GRXCR1: variants seen among roughly 807,000 people sequenced by gnomAD.
The protein encoded by GRXCR1 is glutaredoxin domain-containing cysteine-rich protein 1.
A neutral mutation model predicts 27.3 loss-of-function variants in GRXCR1; 27 were observed. The ratio of observed to expected loss-of-function variants is 0.99; its 90% CI spans 0.73 to 1.37. The LOEUF (loss-of-function observed/expected upper bound fraction) is 1.37, where lower values mean the gene tolerates loss of function less well. GRXCR1 is among the 40% of genes most tolerant of loss of function. The pLI is 0.00. For missense variants in GRXCR1, 379 were observed against 354.4 expected, an observed-to-expected ratio of 1.07 and a Z score of -0.56; for synonymous variants, 122 against 131.1, an observed-to-expected ratio of 0.93 and a Z score of 0.47.
At chr4:42,980,939 G>A (rs1748648717) in intron 2 of GRXCR1, among the ~76,000 whole-genome samples, 1 of 150,088 alleles carries the variant, frequency 6.7e-6, no homozygotes, top group Non-Finnish European at 1.5e-5. Context: ...GGAGCATTTG[G>A]TTGGATCTTG....
intron 2 of GRXCR1, among the ~76,000 whole-genome samples, chr4:43,007,762 G>A (rs796908700): frequency 7.2e-5 from 11 of 152,300 alleles, no homozygotes; most frequent in Admixed American, 2.0e-4. Context: ...GCCATTTATC[G>A]TTTAGTAGCT....
At chr4:42,993,256 C>T (rs76503099) in intron 2 of GRXCR1, among the ~76,000 whole-genome samples, 4,653 of 152,100 alleles carry the variant, frequency 0.031, 80 homozygotes, top group South Asian at 0.059. Context: ...AAAAACATTC[C>T]CTTTATTCTT....
At chr4:42,996,398 C>T (rs1326066073) in intron 2 of GRXCR1, among the ~76,000 whole-genome samples, 1 of 152,102 alleles carries the variant, frequency 6.6e-6, no homozygotes, top group East Asian at 1.9e-4. Flanking sequence ...AAATTTACTC[C>T]AGCCAGTGAT....
chr4:42,924,203 T>C (rs893023830), intron 1 of GRXCR1, among the ~76,000 whole-genome samples: 1 of 152,122 alleles, frequency 6.6e-6, no homozygotes, highest in African/African-American at 2.4e-5. Flanking sequence ...CTTTCAAATT[T>C]GACAAGTGCT....
chr4:42,927,127 C>A (rs569364926), intron 1 of GRXCR1, among the ~76,000 whole-genome samples: 1 of 151,976 alleles, frequency 6.6e-6, no homozygotes, highest in Non-Finnish European at 1.5e-5. Flanking sequence ...TTTGTTGGTT[C>A]TCAACCATCC....
intron 1 of GRXCR1, among the ~76,000 whole-genome samples, chr4:42,916,110 A>C (rs1414611405): frequency 6.6e-6 from 1 of 151,898 alleles, no homozygotes; most frequent in African/African-American, 2.4e-5. Flanking sequence ...AAAAAAAAAA[A>C]AGATTACTGA....
At chr4:42,929,798 AT>A (rs1747262683) in intron 1 of GRXCR1, among the ~76,000 whole-genome samples, 1 of 151,938 alleles carries the variant, frequency 6.6e-6, no homozygotes, top group Admixed American at 6.6e-5. Flanking sequence ...TATAGCAATA[AT>A]AATAATTATA....
chr4:42,944,967 C>A (rs540616942), intron 1 of GRXCR1, among the ~76,000 whole-genome samples: 2 of 152,178 alleles, frequency 1.3e-5, no homozygotes, highest in South Asian at 4.1e-4. Context: ...TCTCAAAATT[C>A]ATATATTGGA....
At chr4:42,934,030 CA>C (rs987547818) in intron 1 of GRXCR1, among the ~76,000 whole-genome samples, 11 of 151,778 alleles carry the variant, frequency 7.2e-5, no homozygotes, top group African/African-American at 2.7e-4. Context: ...TGTTCCAGAT[CA>C]AAGTTTCAAA....
chr4:42,893,614 C>A lies in GRXCR1; in HGVS notation c.348C>A (p.Gly116=). The part of the protein sequence containing the change: ...VRGVKYKVSA[G]QALFNNLTKV... ...GCGTCAAATACAAAGTGAGTGCTGG[C>A]CAGGCTCTATTTAACAATTTGACCA... The change falls in exon 1 of 4, where the codon GGC becomes GGA. Residue 116 remains glycine (G), a synonymous_variant. Coordinates refer to ENST00000399770, the MANE Select transcript of GRXCR1 (RefSeq NM_001080476.3). 2 of 1,613,506 alleles carry A rather than the reference C, an allele frequency of 1.2e-6. No individual in the cohort carries two copies. The highest frequency in any genetic ancestry group is 1.7e-6 in the Non-Finnish European group (2 of 1,179,660).
intron 2 of GRXCR1, among the ~76,000 whole-genome samples, chr4:42,965,948 A>T (rs146157719): frequency 1.2e-3 from 188 of 152,068 alleles, no homozygotes; most frequent in African/African-American, 4.3e-3. Context: ...AGTTTAATGG[A>T]CAAGAAGAAT....
intron 1 of GRXCR1, among the ~76,000 whole-genome samples, chr4:42,922,734 T>C (rs2109751721): frequency 6.6e-6 from 1 of 152,104 alleles, no homozygotes; most frequent in East Asian, 1.9e-4. Flanking sequence ...GGAAATATAT[T>C]CCCCTTGCTG....
chr4:42,894,320 A>G (rs1273005528), intron 1 of GRXCR1, among the ~76,000 whole-genome samples: 1 of 152,184 alleles, frequency 6.6e-6, no homozygotes, highest in East Asian at 1.9e-4. Context: ...AGAGTAATAT[A>G]GAAATATATT....
At chr4:42,966,397 A>T (rs1560667787) in intron 2 of GRXCR1, among the ~76,000 whole-genome samples, 1 of 152,054 alleles carries the variant, frequency 6.6e-6, no homozygotes. Flanking sequence ...ATAAAAATAG[A>T]TTTCTTAACT....
intron 1 of GRXCR1, among the ~76,000 whole-genome samples, chr4:42,903,352 C>T (rs938781141): frequency 7.6e-6 from 1 of 131,362 alleles, no homozygotes; most frequent in Non-Finnish European, 1.6e-5. Flanking sequence ...GAGTCTCTCA[C>T]CCAGGCTGGA....
chr4:42,948,541 T>C (rs538734462), intron 1 of GRXCR1, among the ~76,000 whole-genome samples: 265 of 152,276 alleles, frequency 1.7e-3, no homozygotes, highest in Middle Eastern at 3.4e-3. Context: ...TTTAGTCTTA[T>C]GCCTATAACT....
rs1711793937 is a variant in GRXCR1, at chr4:42,987,260, T to TG, written c.627+24126_627+24127insG. ...ATATATAATATATAATATATATATATAATATATATATATATATAGAGAGAG... is the reference window on the plus strand; with the variant it reads ...ATATATAATATATAATATATATATATGAATATATATATATATATAGAGAGAG... On this transcript the variant is annotated intron_variant, in intron 2 of 3. Transcript: ENST00000399770. Among the ~76,000 whole-genome samples, 4 of 73,266 alleles carry TG rather than the reference T, an allele frequency of 5.5e-5. 1 individual carries two copies. The highest frequency in any genetic ancestry group is 5.9e-5 in the Non-Finnish European group (2 of 34,112). The allele number at this position is 73,266 out of a possible 152,430, so 48.1% of individuals were successfully genotyped here. A position where few individuals can be genotyped will look rare whatever the true frequency, so the allele number is the denominator to read the frequency against.
At chr4:42,997,011 A>C (rs1338152827) in intron 2 of GRXCR1, among the ~76,000 whole-genome samples, 1 of 152,006 alleles carries the variant, frequency 6.6e-6, no homozygotes, top group Non-Finnish European at 1.5e-5. Flanking sequence ...AATTCCCACT[A>C]TATCAGTTCA....
intron 2 of GRXCR1, among the ~76,000 whole-genome samples, chr4:43,010,195 A>T (rs1437673447): frequency 6.6e-6 from 1 of 152,128 alleles, no homozygotes; most frequent in Non-Finnish European, 1.5e-5. Flanking sequence ...TGAGGTCAGG[A>T]CTTCGAGACC....
Sources: gnomAD v4.1 joint callset for allele counts (sites outside exome capture counted in the v4.1 genomes callset) on GRCh38, gnomAD v4.1.1 for gene constraint, MANE v1.5 for transcripts, NCBI Gene and HGNC (gene_info 2026-07-23, HGNC 2026-07-21) for gene names.